The following HEXA variants were observed in gnomAD, a reference collection of about 807,000 sequenced individuals.
HEXA encodes beta-hexosaminidase subunit alpha.
HEXA carries 54 observed loss-of-function variants against 73.3 expected under a neutral mutation model. The observed-to-expected ratio is 0.74, with a 90% CI of 0.59 to 0.92. HEXA has a LOEUF of 0.92. Ranked by LOEUF, HEXA falls within the 40% of genes least tolerant of loss-of-function variation. The probability of loss-of-function intolerance (pLI) is 0.00; values close to 1 mark genes in which losing one functional copy is unlikely to be tolerated. For synonymous variants in HEXA, 230 were observed against 246.9 expected, an observed-to-expected ratio of 0.93 and a Z score of 0.64; for missense variants, 649 against 653.0, an observed-to-expected ratio of 0.99 and a Z score of 0.07.
chr15:72,373,359 T>C (rs1483633963), intron 1 of HEXA, among the ~76,000 whole-genome samples: 1 of 152,236 alleles, frequency 6.6e-6, no homozygotes, highest in East Asian at 1.9e-4. Context: ...TCTGCAGAAC[T>C]AGGATTTTAG....
chr15:72,347,908 A>G, intron 9 of HEXA, 140 bp downstream of exon 9: 1 of 975,394 alleles, frequency 1.0e-6, no homozygotes, highest in East Asian at 2.5e-5. Flanking sequence ...AACCACTCCA[A>G]ATCTGAAAGG....
chr15:72,370,698 A>AAAAAAAAAAAAAAG (rs1215626474), intron 1 of HEXA: 3 of 211,178 alleles, frequency 1.4e-5, no homozygotes, highest in South Asian at 3.9e-4. Flanking sequence ...CCTGTTTCTT[A>AAAAAAAAAAAAAAG]AAAAAAAAAA....
At chr15:72,361,929 T>C (rs975495733) in intron 1 of HEXA, among the ~76,000 whole-genome samples, 3 of 152,230 alleles carry the variant, frequency 2.0e-5, no homozygotes. Flanking sequence ...CCTCCAGGAA[T>C]ACCCATGTCA....
intron 1 of HEXA, among the ~76,000 whole-genome samples, chr15:72,360,884 A>C (rs968162106): frequency 6.6e-6 from 1 of 152,210 alleles, no homozygotes; most frequent in Non-Finnish European, 1.5e-5. Flanking sequence ...GAGTTAATAC[A>C]TGTAAAGTGC....
At chr15:72,375,177 C>T (rs902842978) in intron 1 of HEXA, among the ~76,000 whole-genome samples, 1 of 152,000 alleles carries the variant, frequency 6.6e-6, no homozygotes, top group African/African-American at 2.4e-5. Flanking sequence ...CAACCTCCAC[C>T]TCATGGGTTC....
intron 1 of HEXA, among the ~76,000 whole-genome samples, chr15:72,371,914 G>C (rs903610347): frequency 6.6e-6 from 1 of 152,264 alleles, no homozygotes; most frequent in African/African-American, 2.4e-5. Context: ...GAGAAGGGGG[G>C]CAGGATTATT....
At chr15:72,347,350 C>T (rs1249542219) in intron 10 of HEXA, among the ~76,000 whole-genome samples, 1 of 150,972 alleles carries the variant, frequency 6.6e-6, no homozygotes, top group Non-Finnish European at 1.5e-5. Context: ...TGGCTCACAG[C>T]AACCTCTGCC....
At chr15:72,346,739 G>T in intron 10 of HEXA, 29 bp from the exon 11 acceptor site, 1 of 1,608,400 alleles carries the variant, frequency 6.2e-7, no homozygotes, top group South Asian at 1.1e-5. Context: ...TGGCAGTAAG[G>T]ACACAAAGCT....
intron 1 of HEXA, among the ~76,000 whole-genome samples, chr15:72,371,404 C>G (rs1452885819): frequency 6.6e-6 from 1 of 151,910 alleles, no homozygotes; most frequent in African/African-American, 2.4e-5. Flanking sequence ...CCCAGGGGTT[C>G]GAGACCAGCT....
At chr15:72,369,535 T>C (rs1403221278) in intron 1 of HEXA, among the ~76,000 whole-genome samples, 1 of 152,130 alleles carries the variant, frequency 6.6e-6, no homozygotes, top group African/African-American at 2.4e-5. Flanking sequence ...TCTAGGTTTT[T>C]GTTTGTTTGT....
At position 72,375,708 on chromosome 15, in the gene HEXA, A is replaced by C. The variant is rs2089054674; in HGVS notation, c.253+12T>G. Reference sequence around the variant, plus strand: ...CAGGGCCCAGGAACAGGGCGGGACAAGTCCGACTCACCTGTGAGGTAAGGA... The same window carrying C: ...CAGGGCCCAGGAACAGGGCGGGACACGTCCGACTCACCTGTGAGGTAAGGA... On this transcript the variant is annotated intron_variant, in intron 1 of 13. Coordinates refer to ENST00000268097, the MANE Select transcript of HEXA (RefSeq NM_000520.6). 1 of 1,613,918 alleles carries C rather than the reference A, an allele frequency of 6.2e-7. No individual in the cohort carries two copies.
At chr15:72,347,378 AC>A (rs1009717960) in intron 10 of HEXA, among the ~76,000 whole-genome samples, 2 of 150,816 alleles carry the variant, frequency 1.3e-5, no homozygotes, top group African/African-American at 4.9e-5. Flanking sequence ...CTCAAGCAGT[AC>A]CCCAACCTCA....
intron 1 of HEXA, among the ~76,000 whole-genome samples, chr15:72,373,804 G>A (rs1168397449): frequency 6.6e-6 from 1 of 152,052 alleles, no homozygotes; most frequent in Non-Finnish European, 1.5e-5. Context: ...TTTGAGACCA[G>A]CCTGGCCAAC....
At chr15:72,355,742 T>C (rs2088769254) in intron 2 of HEXA, 118 bp from the exon 3 acceptor site, 2 of 759,828 alleles carry the variant, frequency 2.6e-6, no homozygotes. Flanking sequence ...ACCATATATT[T>C]TAAAAAATCT....
intron 3 of HEXA, chr15:72,354,023 T>C (rs951547181): frequency 3.9e-6 from 2 of 518,054 alleles, no homozygotes; most frequent in Non-Finnish European, 7.0e-6. Context: ...CTATATTTCC[T>C]GTGCCTTCAC....
intron 1 of HEXA, among the ~76,000 whole-genome samples, chr15:72,372,348 CAAAAA>C (rs59888548): frequency 7.4e-6 from 1 of 134,268 alleles, no homozygotes; most frequent in Non-Finnish European, 1.6e-5. Flanking sequence ...GACTCCATCT[CAAAAA>C]AAAAAAAAAA....
At chr15:72,370,475 G>A (rs1330342268) in intron 1 of HEXA, 5 of 394,192 alleles carry the variant, frequency 1.3e-5, no homozygotes, top group East Asian at 7.2e-5. Context: ...AGGATCGCTT[G>A]AAGCCAGGGG....
intron 2 of HEXA, chr15:72,355,880 G>C (rs939905654): frequency 2.3e-5 from 13 of 567,386 alleles, no homozygotes; most frequent in African/African-American, 2.2e-4. Flanking sequence ...AGTCAGGCTG[G>C]AGTGGAGGTC....
At chr15:72,368,503 A>G (rs1405578176) in intron 1 of HEXA, among the ~76,000 whole-genome samples, 2 of 152,236 alleles carry the variant, frequency 1.3e-5, no homozygotes. Context: ...GCAATAACAT[A>G]CATCAAGTGC....
Sources: gnomAD v4.1 joint callset for allele counts (sites outside exome capture counted in the v4.1 genomes callset) on GRCh38, gnomAD v4.1.1 for gene constraint, MANE v1.5 for transcripts, NCBI Gene and HGNC (gene_info 2026-07-23, HGNC 2026-07-21) for gene names.